Variants in DDR2 observed in about 807,000 individuals in gnomAD.
The protein encoded by DDR2 is discoidin domain receptor tyrosine kinase 2.
A neutral mutation model predicts 94.9 loss-of-function variants in DDR2; 27 were observed. The observed-to-expected ratio is 0.28, with a 90% CI of 0.21 to 0.39. The LOEUF (loss-of-function observed/expected upper bound fraction) is 0.39, where lower values mean the gene tolerates loss of function less well. Among genes scored for constraint, DDR2 ranks in the 10% least tolerant of loss-of-function variants. The probability of loss-of-function intolerance (pLI) is 1.00; values close to 1 mark genes in which losing one functional copy is unlikely to be tolerated. For missense variants in DDR2, 783 were observed against 1,076.0 expected (o/e 0.73, Z 3.81); for synonymous variants, 382 against 377.2 (o/e 1.01, Z -0.15).
At chr1:162,638,180 C>G (rs1252514681) in intron 1 of DDR2, among the ~76,000 whole-genome samples, 2 of 152,090 alleles carry the variant, frequency 1.3e-5, no homozygotes, top group African/African-American at 2.4e-5. Context: ...GCCACCAAGC[C>G]CAGCAAATTT....
At position 162,780,237 on chromosome 1, in the gene DDR2, C is replaced by T. The variant is rs142174119; in HGVS notation, c.2559C>T (p.Gly853=). The T allele has an allele frequency of 3.3e-4, 531 of 1,613,876 alleles. No individual in the cohort carries two copies. Among genetic ancestry groups the T allele is most frequent in the Middle Eastern group, 1.3e-3 (8 of 6,058 alleles). ...QEIHLLLLQQ[G]DE Reference sequence around the variant, plus strand: ...TCCACCTTCTGCTCCTTCAACAAGGCGACGAGTGATGCTGTCAGTGCCTGG... The same window carrying T: ...TCCACCTTCTGCTCCTTCAACAAGGTGACGAGTGATGCTGTCAGTGCCTGG... The change falls in exon 18 of 18, where the codon GGC becomes GGT. Residue 853 remains glycine (G), a synonymous_variant. Transcript: ENST00000367921.
chr1:162,678,392 T>C (rs1659238037), intron 2 of DDR2, among the ~76,000 whole-genome samples: 2 of 152,222 alleles, frequency 1.3e-5, no homozygotes, highest in South Asian at 2.1e-4. Context: ...CACGTTAAAA[T>C]GAGCTGTTAT....
At chr1:162,734,978 A>T (rs577489102) in intron 3 of DDR2, among the ~76,000 whole-genome samples, 71 of 152,208 alleles carry the variant, frequency 4.7e-4, no homozygotes, top group Non-Finnish European at 5.1e-4. Context: ...ATGGGAGGTC[A>T]TGGAGGTTGC....
intron 2 of DDR2, among the ~76,000 whole-genome samples, chr1:162,710,143 ATAGCCATC>A (rs2102012166): frequency 6.6e-6 from 1 of 152,300 alleles, no homozygotes; most frequent in South Asian, 2.1e-4. Flanking sequence ...AGAGAATAAG[ATAGCCATC>A]TAGCACTTTC....
chr1:162,642,144 A>G (rs1657163636), intron 1 of DDR2, among the ~76,000 whole-genome samples: 2 of 151,130 alleles, frequency 1.3e-5, no homozygotes, highest in South Asian at 4.2e-4. Flanking sequence ...TTTAGTAGAG[A>G]CAGGGTTTCA....
At chr1:162,642,220 G>A (rs1189394236) in intron 1 of DDR2, among the ~76,000 whole-genome samples, 2 of 151,984 alleles carry the variant, frequency 1.3e-5, no homozygotes, top group Admixed American at 6.5e-5. Context: ...GCTTCCCAAA[G>A]TGTTGGGATT....
At chr1:162,704,459 C>T (rs1660572947) in intron 2 of DDR2, among the ~76,000 whole-genome samples, 2 of 152,142 alleles carry the variant, frequency 1.3e-5, no homozygotes, top group Non-Finnish European at 2.9e-5. Context: ...ATCTACTCTA[C>T]CCCATTTGGA....
intron 12 of DDR2, 82 bp from the exon 13 acceptor site, chr1:162,771,942 A>G: frequency 7.0e-7 from 1 of 1,431,324 alleles, no homozygotes; most frequent in Middle Eastern, 2.4e-4. Flanking sequence ...GGCATGTTTT[A>G]GCCCTCCTCT....
At chr1:162,671,292 C>T (rs899244462) in intron 2 of DDR2, among the ~76,000 whole-genome samples, 2 of 152,126 alleles carry the variant, frequency 1.3e-5, no homozygotes, top group African/African-American at 4.8e-5. Flanking sequence ...CTTCGTTGCC[C>T]AGGACATTTA....
At chr1:162,631,491 T>C (rs1397246823), upstream of DDR2, 1 of 152,094 alleles carries the variant, frequency 6.6e-6, no homozygotes, top group Non-Finnish European at 1.5e-5. Context: ...TCTACCTCTC[T>C]CTTTGGATCT....
At chr1:162,749,590 G>A (rs1209004834) in intron 3 of DDR2, among the ~76,000 whole-genome samples, 1 of 152,166 alleles carries the variant, frequency 6.6e-6, no homozygotes, top group African/African-American at 2.4e-5. Context: ...AAGAATAGCT[G>A]GTACCATTCC....
In DDR2 at chr1:162,694,649, T is replaced by G. The variant is rs148771874; in HGVS notation, c.-27-24388T>G. 7.4e-3 allele frequency among the ~76,000 whole-genome samples: 1,128 copies of G among 152,298 alleles called. 9 individuals carry two copies. The highest frequency in any genetic ancestry group is 7.4e-3 in the Non-Finnish European group (504 of 68,028). On this transcript the variant is annotated intron_variant, in intron 2 of 17. Coordinates refer to ENST00000367921, the MANE Select transcript of DDR2 (RefSeq NM_006182.4). ...ATGTGGGAAGTAACTATGTTACTTATTCATAGTGCTTAGCAAAGTTTCTGA... is the reference window on the plus strand; with the variant it reads ...ATGTGGGAAGTAACTATGTTACTTAGTCATAGTGCTTAGCAAAGTTTCTGA...
intron 1 of DDR2, among the ~76,000 whole-genome samples, chr1:162,635,670 C>A (rs1450026963): frequency 6.6e-6 from 1 of 152,138 alleles, no homozygotes; most frequent in Admixed American, 6.5e-5. Context: ...CCCAGGCATC[C>A]CAGGGCTTCT....
intron 2 of DDR2, among the ~76,000 whole-genome samples, chr1:162,682,590 A>G (rs1312087793): frequency 3.3e-5 from 5 of 152,252 alleles, no homozygotes; most frequent in Admixed American, 6.5e-5. Flanking sequence ...GGTGCAAGCA[A>G]GAATACCAGA....
chr1:162,675,860 C>T (rs1176931242), intron 2 of DDR2, among the ~76,000 whole-genome samples: 1 of 152,088 alleles, frequency 6.6e-6, no homozygotes, highest in South Asian at 2.1e-4. Context: ...GGTAACTGAA[C>T]ATTTTGAGAG....
At chr1:162,642,820 A>G (rs1440287282) in intron 1 of DDR2, among the ~76,000 whole-genome samples, 2 of 152,074 alleles carry the variant, frequency 1.3e-5, no homozygotes, top group Non-Finnish European at 2.9e-5. Context: ...AATACTTTTC[A>G]TTTGTTAAAG....
intron 3 of DDR2, among the ~76,000 whole-genome samples, chr1:162,736,195 G>A (rs74716320): frequency 0.02 from 3,030 of 152,296 alleles, 79 homozygotes; most frequent in African/African-American, 0.059. Flanking sequence ...TCTCTAACAG[G>A]AGGCTCACAA....
chr1:162,755,431 T>C (rs1261574267), intron 6 of DDR2, 128 bp downstream of exon 6: 4 of 1,303,040 alleles, frequency 3.1e-6, no homozygotes, highest in African/African-American at 1.5e-5. Flanking sequence ...TTGGGAAGAA[T>C]AGAGACAGAA....
At chr1:162,653,237 G>T (rs1657789301) in intron 1 of DDR2, among the ~76,000 whole-genome samples, 1 of 152,082 alleles carries the variant, frequency 6.6e-6, no homozygotes, top group African/African-American at 2.4e-5. Flanking sequence ...GAACCAACAG[G>T]ATTAACCTTT....
Sources: gnomAD v4.1 joint callset for allele counts (sites outside exome capture counted in the v4.1 genomes callset) on GRCh38, gnomAD v4.1.1 for gene constraint, MANE v1.5 for transcripts, NCBI Gene and HGNC (gene_info 2026-07-23, HGNC 2026-07-21) for gene names.